The following HS2ST1 variants were observed in gnomAD, a reference collection of about 807,000 sequenced individuals.
HS2ST1 encodes heparan sulfate 2-O-sulfotransferase 1.
In HS2ST1, 18 loss-of-function variants were observed where a neutral mutation model predicts 42.9. The ratio of observed to expected loss-of-function variants is 0.42; its 90% CI spans 0.29 to 0.62. The LOEUF is 0.62. Among genes scored for constraint, HS2ST1 ranks in the 20% least tolerant of loss-of-function variants. HS2ST1 has a pLI of 0.21. For synonymous variants in HS2ST1, 146 were observed against 152.9 expected, an observed-to-expected ratio of 0.95 and a Z score of 0.33; for missense variants, 334 against 433.8, an observed-to-expected ratio of 0.77 and a Z score of 2.04.
At chr1:86,931,089 ATGT>A (rs759522933) in intron 1 of HS2ST1, among the ~76,000 whole-genome samples, 3 of 152,004 alleles carry the variant, frequency 2.0e-5, no homozygotes, top group Non-Finnish European at 2.9e-5. Flanking sequence ...CACAAAAATG[ATGT>A]TGTAGTATGT....
chr1:87,036,060 A>G (rs974616277), intron 1 of HS2ST1, among the ~76,000 whole-genome samples: 1 of 152,102 alleles, frequency 6.6e-6, no homozygotes, highest in African/African-American at 2.4e-5. Flanking sequence ...CTTATGAGTG[A>G]AAACATTGGT....
chr1:86,935,193 A>G (rs999491627), intron 1 of HS2ST1, among the ~76,000 whole-genome samples: 1 of 151,814 alleles, frequency 6.6e-6, no homozygotes, highest in Non-Finnish European at 1.5e-5. Context: ...GGATTATACT[A>G]TTTTAAATTT....
intron 1 of HS2ST1, among the ~76,000 whole-genome samples, chr1:86,946,339 G>C (rs1004434489): frequency 2.0e-5 from 3 of 152,114 alleles, no homozygotes; most frequent in African/African-American, 7.2e-5. Flanking sequence ...TACAGATAAG[G>C]CAAATGAAGC....
chr1:87,082,946 G>A lies in HS2ST1; in HGVS notation c.364-1248G>A, dbSNP rs1269052478. ...ATTTTTCAGATTTTAATTTAAGGAT[G>A]TATATGTGTATTGAGAGGCCAAGTA... On this transcript the variant is annotated intron_variant, in intron 2 of 6. Coordinates refer to ENST00000370550, the MANE Select transcript of HS2ST1 (RefSeq NM_012262.4). 2.0e-5 allele frequency among the ~76,000 whole-genome samples: 3 copies of A among 152,162 alleles called. No individual in the cohort carries two copies. In the East Asian group the frequency reaches 5.8e-4, roughly 29 times the overall value.
chr1:87,104,058 A>AG (rs1362632030), intron 6 of HS2ST1, among the ~76,000 whole-genome samples: 1 of 152,164 alleles, frequency 6.6e-6, no homozygotes, highest in Admixed American at 6.5e-5. Context: ...CTTCTCCTTG[A>AG]GGATGCATAT....
At chr1:87,003,691 G>C (rs1365603346) in intron 1 of HS2ST1, among the ~76,000 whole-genome samples, 1 of 140,946 alleles carries the variant, frequency 7.1e-6, no homozygotes, top group Non-Finnish European at 1.5e-5. Context: ...GGTTGCTTCT[G>C]TACTGAAGAT....
At chr1:87,068,800 A>G (rs1651320737) in intron 1 of HS2ST1, among the ~76,000 whole-genome samples, 1 of 152,224 alleles carries the variant, frequency 6.6e-6, no homozygotes, top group African/African-American at 2.4e-5. Flanking sequence ...TAAACTAGAG[A>G]AAAGAAAATG....
chr1:86,962,851 A>G (rs1302927600), intron 1 of HS2ST1, among the ~76,000 whole-genome samples: 1 of 152,188 alleles, frequency 6.6e-6, no homozygotes, highest in Admixed American at 6.5e-5. Flanking sequence ...AGCATTCTCT[A>G]AAAGATATGA....
intron 1 of HS2ST1, among the ~76,000 whole-genome samples, chr1:86,948,914 T>C (rs1647419404): frequency 6.6e-6 from 1 of 152,198 alleles, no homozygotes; most frequent in Non-Finnish European, 1.5e-5. Context: ...AAGGTTTGTT[T>C]AGAGTCATAG....
At chr1:87,039,192 GC>G (rs1650459687) in intron 1 of HS2ST1, among the ~76,000 whole-genome samples, 1 of 152,130 alleles carries the variant, frequency 6.6e-6, no homozygotes, top group Non-Finnish European at 1.5e-5. Context: ...TGAATTTCTG[GC>G]CAGTTGGATG....
chr1:87,089,784 C>T (rs1006032443), intron 3 of HS2ST1, among the ~76,000 whole-genome samples: 1 of 152,010 alleles, frequency 6.6e-6, no homozygotes, highest in Non-Finnish European at 1.5e-5. Flanking sequence ...AAATGCCACC[C>T]AAAGCCATTC....
intron 5 of HS2ST1, chr1:87,098,331 C>T (rs1410415778): frequency 3.0e-6 from 3 of 987,142 alleles, no homozygotes; most frequent in Non-Finnish European, 3.6e-6. Flanking sequence ...CCTGGTTTTA[C>T]TGTTAAACTG....
intron 1 of HS2ST1, among the ~76,000 whole-genome samples, chr1:87,056,976 T>C (rs1650986910): frequency 6.6e-6 from 1 of 152,232 alleles, no homozygotes; most frequent in South Asian, 2.1e-4. Context: ...CTTTTCCAAC[T>C]GTATCTATAT....
chr1:87,070,907 T>C (rs1275655090), intron 1 of HS2ST1, among the ~76,000 whole-genome samples: 1 of 152,178 alleles, frequency 6.6e-6, no homozygotes, highest in Non-Finnish European at 1.5e-5. Flanking sequence ...GGCAGCTGTC[T>C]ATCTGCTACT....
chr1:87,024,525 AAAAG>A (rs940391685), intron 1 of HS2ST1, among the ~76,000 whole-genome samples: 1 of 150,814 alleles, frequency 6.6e-6, no homozygotes, highest in Non-Finnish European at 1.5e-5. Context: ...AAAAAACAGG[AAAAG>A]AAAGAATCAG....
intron 1 of HS2ST1, among the ~76,000 whole-genome samples, chr1:86,923,743 A>G (rs1660352802): frequency 6.6e-6 from 1 of 152,132 alleles, no homozygotes; most frequent in South Asian, 2.1e-4. Flanking sequence ...CTTATTCACT[A>G]TCATGGGAAC....
chr1:87,023,930 G>T (rs1224941157), intron 1 of HS2ST1, among the ~76,000 whole-genome samples: 1 of 152,076 alleles, frequency 6.6e-6, no homozygotes, highest in East Asian at 1.9e-4. Flanking sequence ...CTGATGAAGA[G>T]CCATTGGAGA....
At chr1:86,969,924 G>A (rs1318260606) in intron 1 of HS2ST1, among the ~76,000 whole-genome samples, 2 of 152,092 alleles carry the variant, frequency 1.3e-5, no homozygotes, top group East Asian at 1.9e-4. Context: ...TCAGGAGTTC[G>A]AGACCAGCCT....
At chr1:86,966,840 A>C (rs1648061660) in intron 1 of HS2ST1, among the ~76,000 whole-genome samples, 1 of 151,960 alleles carries the variant, frequency 6.6e-6, no homozygotes, top group Non-Finnish European at 1.5e-5. Flanking sequence ...CCATGATACA[A>C]ATCTCTCTTA....
Sources: gnomAD v4.1 joint callset for allele counts (sites outside exome capture counted in the v4.1 genomes callset) on GRCh38, gnomAD v4.1.1 for gene constraint, MANE v1.5 for transcripts, NCBI Gene and HGNC (gene_info 2026-07-23, HGNC 2026-07-21) for gene names.